CDK5RAP2: variants seen among roughly 807,000 people sequenced by gnomAD.
CDK5RAP2 encodes CDK5 regulatory subunit associated protein 2.
CDK5RAP2 carries 147 observed loss-of-function variants against 232.9 expected under a neutral mutation model. The observed-to-expected ratio is 0.63, with a 90% CI of 0.55 to 0.72. The LOEUF is 0.72. CDK5RAP2 is among the 30% of genes least tolerant of loss of function. CDK5RAP2 has a pLI of 0.00. For synonymous variants in CDK5RAP2, 833 were observed against 833.7 expected (o/e 1.00, Z 0.01); for missense variants, 2,195 against 2,231.5 (o/e 0.98, Z 0.33).
chr9:120,537,150 A>G (rs2041429078), intron 6 of CDK5RAP2, among the ~76,000 whole-genome samples: 1 of 152,314 alleles, frequency 6.6e-6, no homozygotes, highest in East Asian at 1.9e-4. Flanking sequence ...ACTGCCTCCA[A>G]TTACATCACA....
At chr9:120,568,260 TG>T in intron 3 of CDK5RAP2, 60 bp downstream of exon 3, 1 of 1,306,668 alleles carries the variant, frequency 7.7e-7, no homozygotes, top group African/African-American at 1.4e-5. Flanking sequence ...TTCCTGGGTC[TG>T]GCTGGACAGT....
In CDK5RAP2 at chr9:120,539,158, T is replaced by C. The variant is rs2041522074; in HGVS notation, c.390A>G (p.Ala130=). 2 of 1,613,764 alleles carry C rather than the reference T, an allele frequency of 1.2e-6. No homozygotes were observed. The highest frequency in any genetic ancestry group is 1.3e-5 in the African/African-American group (1 of 74,912). The change falls in exon 6 of 38, where the codon GCA becomes GCG. Residue 130 remains alanine, a synonymous_variant. Coordinates refer to ENST00000349780, the MANE Select transcript of CDK5RAP2 (RefSeq NM_018249.6). ...REQLLIKASK[A]VESLAEAGGS... Reference sequence around the variant, plus strand: ...CACCTGCTTCAGCTAAGCTCTCAACTGCTTTGCTGCAAAAAGAGGCACAGG... The same window carrying C: ...CACCTGCTTCAGCTAAGCTCTCAACCGCTTTGCTGCAAAAAGAGGCACAGG...
Position 120,537,700 on chromosome 9 carries a change from A to T in CDK5RAP2, c.508-1174T>A, listed in dbSNP as rs1017395277. Among the ~76,000 whole-genome samples the T allele has an allele frequency of 3.9e-5, 6 of 152,286 alleles. No individual in the cohort carries two copies. The East Asian group carries it at 5.8e-4, about 15-fold the overall frequency. On this transcript the variant is annotated intron_variant, in intron 6 of 37. Coordinates refer to ENST00000349780, the MANE Select transcript of CDK5RAP2 (RefSeq NM_018249.6). Reference sequence around the variant, plus strand: ...TGTTTCATCATCTGTTTAAAAAAAAAAAAAAAGAAAGAATGAAAAAGGATG... The same window carrying T: ...TGTTTCATCATCTGTTTAAAAAAAATAAAAAAGAAAGAATGAAAAAGGATG...
chr9:120,571,953 T>A (rs1426354025), intron 2 of CDK5RAP2, 21 bp downstream of exon 2: 1 of 1,593,110 alleles, frequency 6.3e-7, no homozygotes, highest in African/African-American at 1.3e-5. Context: ...CTCAAGAGAA[T>A]GCCTGGTTTT....
intron 12 of CDK5RAP2, among the ~76,000 whole-genome samples, chr9:120,508,431 G>A (rs1265209711): frequency 1.3e-5 from 2 of 152,086 alleles, no homozygotes; most frequent in African/African-American, 4.8e-5. Context: ...TTCATATGCT[G>A]GGGGAAAAAA....
At chr9:120,420,044 C>T in intron 26 of CDK5RAP2, 84 bp from the exon 27 acceptor site, 1 of 1,112,460 alleles carries the variant, frequency 9.0e-7, no homozygotes, top group Non-Finnish European at 1.4e-6. Context: ...CTTACGATTA[C>T]TTTACTCTTA....
intron 12 of CDK5RAP2, among the ~76,000 whole-genome samples, chr9:120,507,948 T>A (rs201456861): frequency 1.7e-4 from 15 of 90,442 alleles, no homozygotes; most frequent in Non-Finnish European, 2.5e-4. Context: ...AAAAAATATA[T>A]ATATATATAT....
intron 12 of CDK5RAP2, among the ~76,000 whole-genome samples, chr9:120,499,107 C>G (rs2039454946): frequency 6.6e-6 from 1 of 152,164 alleles, no homozygotes; most frequent in Non-Finnish European, 1.5e-5. Flanking sequence ...TCAGGGAAAT[C>G]TAAACATTTA....
At chr9:120,467,309 A>G (rs955127313) in intron 18 of CDK5RAP2, among the ~76,000 whole-genome samples, 2 of 152,214 alleles carry the variant, frequency 1.3e-5, no homozygotes, top group African/African-American at 4.8e-5. Context: ...GATCCGTCTG[A>G]GACCACATCG....
chr9:120,419,356 C>A (rs1408302436), intron 27 of CDK5RAP2, among the ~76,000 whole-genome samples: 1 of 152,154 alleles, frequency 6.6e-6, no homozygotes, highest in Non-Finnish European at 1.5e-5. Context: ...AAAGTAGATT[C>A]CTACAATCAC....
intron 26 of CDK5RAP2, 55 bp downstream of exon 26, chr9:120,422,638 T>G (rs2034633288): frequency 7.4e-7 from 1 of 1,349,938 alleles, no homozygotes; most frequent in African/African-American, 1.4e-5. Flanking sequence ...AGCTGGCAGG[T>G]AAATCAGACC....
intron 23 of CDK5RAP2, 122 bp from the exon 24 acceptor site, chr9:120,440,094 G>GT (rs2035812637): frequency 1.2e-6 from 1 of 815,464 alleles, no homozygotes; most frequent in Non-Finnish European, 2.0e-6. Flanking sequence ...CCTCAAAAAG[G>GT]CCCTAGTATT....
chr9:120,451,833 T>G (rs2036495192), intron 21 of CDK5RAP2, among the ~76,000 whole-genome samples: 1 of 148,842 alleles, frequency 6.7e-6, no homozygotes. Context: ...ATACTCTTGT[T>G]GAGAATATTA....
At chr9:120,565,406 C>A (rs1301367896) in intron 3 of CDK5RAP2, among the ~76,000 whole-genome samples, 1 of 152,318 alleles carries the variant, frequency 6.6e-6, no homozygotes, top group South Asian at 2.1e-4. Flanking sequence ...CTCATAGTCA[C>A]CAGCCTGGTA....
chr9:120,396,953 C>A (rs899621822), intron 35 of CDK5RAP2, among the ~76,000 whole-genome samples: 1 of 152,210 alleles, frequency 6.6e-6, no homozygotes, highest in Non-Finnish European at 1.5e-5. Context: ...AGTTTCCATT[C>A]CTACCTCTGG....
At chr9:120,527,692 ATAC>A (rs1262724569) in intron 10 of CDK5RAP2, 111 bp downstream of exon 10, 11 of 1,199,192 alleles carry the variant, frequency 9.2e-6, no homozygotes, top group African/African-American at 1.5e-5. Context: ...CCCACTTTCT[ATAC>A]TACCTCAGCT....
At chr9:120,408,189 G>A (rs917473334) in intron 31 of CDK5RAP2, 158 bp downstream of exon 31, 3 of 848,758 alleles carry the variant, frequency 3.5e-6, no homozygotes, top group Non-Finnish European at 6.0e-6. Context: ...TCCTTCAGAA[G>A]AAGAGTGGGT....
chr9:120,457,330 C>G (rs1447767546), intron 20 of CDK5RAP2, among the ~76,000 whole-genome samples: 1 of 152,208 alleles, frequency 6.6e-6, no homozygotes, highest in Admixed American at 6.5e-5. Flanking sequence ...CTGCACTCTC[C>G]CTGGTTCACA....
At chr9:120,495,947 A>C (rs1159164393) in intron 12 of CDK5RAP2, among the ~76,000 whole-genome samples, 2 of 91,134 alleles carry the variant, frequency 2.2e-5, no homozygotes, top group Non-Finnish European at 2.4e-5. Context: ...CAGCCCCCCC[A>C]CCCGGCCAGC....
Sources: allele counts gnomAD v4.1 joint callset (sites outside exome capture counted in the v4.1 genomes callset), GRCh38; gene constraint gnomAD v4.1.1; transcripts MANE v1.5; gene names NCBI Gene and HGNC (gene_info 2026-07-23, HGNC 2026-07-21).